ACSS1: variants seen among roughly 807,000 people sequenced by gnomAD.
ACSS1 encodes acyl-CoA synthetase short chain family member 1.
In ACSS1, 42 loss-of-function variants were observed where a neutral mutation model predicts 75.3. That is an observed-to-expected ratio of 0.56 (90% CI 0.44 to 0.72). The LOEUF is 0.72. Ranked by LOEUF, ACSS1 falls within the 30% of genes least tolerant of loss-of-function variation. The pLI is 0.00. For synonymous variants in ACSS1, 380 were observed against 376.8 expected (o/e 1.01, Z -0.10); for missense variants, 782 against 935.7 (o/e 0.84, Z 2.14).
chr20:25,030,824 C>T lies in ACSS1; in HGVS notation c.566G>A (p.Gly189Glu), dbSNP rs1346050123. The T allele has an allele frequency of 1.9e-6, 3 of 1,614,128 alleles. No homozygotes were observed. The highest frequency in any genetic ancestry group is 2.5e-6 in the Non-Finnish European group (3 of 1,180,052). ...VAAMLACARIGAVHTVIFAGF... is the reference protein window; with the variant it reads ...VAAMLACARIEAVHTVIFAGF... ...AGCAAAGATGACTGTGTGGACAGCT[C>T]CGATCCTGGCACAGGCCAGCATTGC... is the stretch of plus-strand genomic sequence containing the variant. Residue 189 changes from glycine to glutamate, a missense_variant, in exon 3 of 14, where the codon GGA becomes GAA. Around this residue, in one of 2 missense-constraint regions of ACSS1, gnomAD observed 377 missense variants for 383.1 expected, o/e 0.98. Coordinates refer to ENST00000323482, the MANE Select transcript of ACSS1 (RefSeq NM_032501.4).
intron 1 of ACSS1, among the ~76,000 whole-genome samples, chr20:25,054,591 C>T (rs1317622347): frequency 1.3e-5 from 2 of 152,332 alleles, no homozygotes; most frequent in East Asian, 3.9e-4. Context: ...ATTGCCTGGG[C>T]CCAGCCACCA....
Position 25,006,776 on chromosome 20 carries a change from C to A in ACSS1, c.*986G>T, listed in dbSNP as rs1057291043. The A allele has an allele frequency of 7.0e-5, 104 of 1,487,144 alleles. No individual in the cohort carries two copies. In the African/African-American group the frequency reaches 1.4e-3, roughly 20 times the overall value. The allele number at this position is 1,487,144 out of a possible 1,614,324, so 92.1% of individuals were successfully genotyped here. A position where few individuals can be genotyped will look rare whatever the true frequency, so the allele number is the denominator to read the frequency against. ...AGACTGGATCCAGACCTCCAAGTCT[C>A]ATCATTGGACCTCAGTGGTTCTCAC... On this transcript the variant is annotated 3_prime_UTR_variant, in exon 14 of 14. Transcript: ENST00000323482.
chr20:25,057,418 T>A (rs1452672482), intron 1 of ACSS1, among the ~76,000 whole-genome samples: 1 of 152,106 alleles, frequency 6.6e-6, no homozygotes, highest in Non-Finnish European at 1.5e-5. Flanking sequence ...AGCCCGCGGC[T>A]CCCCGCCGGC....
intron 2 of ACSS1, among the ~76,000 whole-genome samples, chr20:25,039,773 T>A (rs569214907): frequency 6.6e-6 from 1 of 152,370 alleles, no homozygotes; most frequent in Non-Finnish European, 1.5e-5. Context: ...AGAAGCTCTG[T>A]CCTCATTCCT....
intron 1 of ACSS1, among the ~76,000 whole-genome samples, chr20:25,053,142 C>T (rs140959464): frequency 9.6e-4 from 143 of 149,618 alleles, no homozygotes; most frequent in African/African-American, 3.3e-3. Context: ...CAGCTCACTG[C>T]AACCTCCACC....
chr20:25,057,761 C>T lies in ACSS1; in HGVS notation c.334+8G>A. On this transcript the variant is annotated splice_region_variant and intron_variant, in intron 1 of 13. Transcript: ENST00000323482. ...GGGGGCGTCCTGGGTCTCCCGAAGC[C>T]CACTCACCAGAGACATTTAACTGGC... The T allele has an allele frequency of 6.4e-7, 1 of 1,552,460 alleles. No homozygotes were observed.
chr20:25,053,740 G>T (rs1314718635), intron 1 of ACSS1, among the ~76,000 whole-genome samples: 1 of 152,122 alleles, frequency 6.6e-6, no homozygotes, highest in African/African-American at 2.4e-5. Flanking sequence ...CTCTGTTCCT[G>T]CAATTAATCT....
intron 2 of ACSS1, among the ~76,000 whole-genome samples, chr20:25,044,515 A>G (rs1205055835): frequency 6.6e-6 from 1 of 152,190 alleles, no homozygotes; most frequent in Non-Finnish European, 1.5e-5. Flanking sequence ...TGGGAGGCTG[A>G]GGCAGGAGAA....
chr20:25,047,055 C>T (rs1376612417), intron 2 of ACSS1, among the ~76,000 whole-genome samples: 2 of 152,200 alleles, frequency 1.3e-5, no homozygotes, highest in Non-Finnish European at 1.5e-5. Context: ...TAGCATCACT[C>T]GTCTGCCTCC....
At chr20:25,033,628 G>A (rs898024696) in intron 2 of ACSS1, among the ~76,000 whole-genome samples, 1 of 152,238 alleles carries the variant, frequency 6.6e-6, no homozygotes, top group African/African-American at 2.4e-5. Flanking sequence ...TAGGCACCTT[G>A]GGAGTGAGTG....
intron 2 of ACSS1, among the ~76,000 whole-genome samples, chr20:25,044,081 C>T (rs1329283663): frequency 5.3e-5 from 8 of 152,168 alleles, no homozygotes; most frequent in Admixed American, 5.2e-4. Flanking sequence ...AAGATCTGGA[C>T]CTGCACAGGG....
rs557574602 is a variant in ACSS1 at position 25,054,745 on chromosome 20, G to A, written c.334+3024C>T. The stretch of plus-strand genomic sequence containing the variant: ...CAGACACTGAGGAGCAGGAGCAAGT[G>A]TTAAATAAAATGTATAGGAGGCCAC... On this transcript the variant is annotated intron_variant, in intron 1 of 13. Coordinates refer to ENST00000323482, the MANE Select transcript of ACSS1 (RefSeq NM_032501.4). Among the ~76,000 whole-genome samples the A allele has an allele frequency of 2.0e-5, 3 of 152,336 alleles. No individual in the cohort carries two copies. The South Asian group carries it at 6.2e-4, about 32-fold the overall frequency.
chr20:25,009,306 G>A lies in ACSS1; in HGVS notation c.1854C>T (p.Thr618=), dbSNP rs376502809. ...VVQELKSMVA[T]KIAKYAVPDE... ...CAGGCACAGCATATTTGGCGATCTT[G>A]GTGGCCACCATGGACTTGAGCTCCT... The change falls in exon 13 of 14, where the codon ACC becomes ACT. Residue 618 remains threonine (T), a synonymous_variant. Transcript: ENST00000323482. 7.7e-5 allele frequency: 125 copies of A among 1,614,070 alleles called. No individual in the cohort carries two copies. The highest frequency in any genetic ancestry group is 3.8e-4 in the Admixed American group (23 of 60,012).
chr20:25,036,957 A>C lies in ACSS1; in HGVS notation c.432-5999T>G, dbSNP rs1217241232. Reference sequence around the variant, plus strand: ...GTGACAGAGCTAGACTCTGTCAAAAAAAAAAAAAGAAGAAGAAGAAAGAAA... The same window carrying C: ...GTGACAGAGCTAGACTCTGTCAAAACAAAAAAAAGAAGAAGAAGAAAGAAA... On this transcript the variant is annotated intron_variant, in intron 2 of 13. Transcript: ENST00000323482. 7.4e-5 allele frequency among the ~76,000 whole-genome samples: 11 copies of C among 148,498 alleles called. No homozygotes were observed. The East Asian group carries it at 2.1e-3, about 29-fold the overall frequency.
At chr20:25,012,111 GA>G (rs1220286160) in intron 12 of ACSS1, 2 of 165,192 alleles carry the variant, frequency 1.2e-5, no homozygotes, top group African/African-American at 4.8e-5. Context: ...TGTGCAGTGG[GA>G]ACCACAGGTC....
chr20:25,030,821 G>T lies in ACSS1; in HGVS notation c.569C>A (p.Ala190Asp), dbSNP rs1161371374. The change falls in exon 3 of 14, where the codon GCT (alanine) becomes GAT (aspartate). Residue 190 changes from alanine (A) to aspartate (D), a missense_variant. Ala to Asp is a moderately radical substitution (Grantham distance 126). Transcript: ENST00000323482. ...AAMLACARIG[A>D]VHTVIFAGFS... ...GCCAGCAAAGATGACTGTGTGGACA[G>T]CTCCGATCCTGGCACAGGCCAGCAT... is the stretch of plus-strand genomic sequence containing the variant. The T allele has an allele frequency of 2.5e-6, 4 of 1,614,256 alleles. No homozygotes were observed. Among genetic ancestry groups the T allele is most frequent in the Non-Finnish European group, 3.4e-6 (4 of 1,180,052 alleles).
At chr20:25,040,691 T>A (rs1014430481) in intron 2 of ACSS1, among the ~76,000 whole-genome samples, 7 of 152,196 alleles carry the variant, frequency 4.6e-5, no homozygotes, top group Non-Finnish European at 1.0e-4. Flanking sequence ...AAGGAAGATA[T>A]GCACACACAA....
rs988204278 is a variant in ACSS1 at position 25,030,452 on chromosome 20, C to T, written c.631+307G>A. Among the ~76,000 whole-genome samples the T allele has an allele frequency of 3.3e-5, 5 of 152,270 alleles. No homozygotes were observed. The East Asian group carries it at 9.7e-4, about 29-fold the overall frequency. On this transcript the variant is annotated intron_variant, in intron 3 of 13. Coordinates refer to ENST00000323482, the MANE Select transcript of ACSS1 (RefSeq NM_032501.4). Reference sequence around the variant, plus strand: ...AGCCTTATCCCACCTCCACACTTCCCTCCTGCCGCACTACACCCACCTGCA... The same window carrying T: ...AGCCTTATCCCACCTCCACACTTCCTTCCTGCCGCACTACACCCACCTGCA...
chr20:25,049,247 C>G (rs2089143716), intron 1 of ACSS1, among the ~76,000 whole-genome samples: 1 of 152,162 alleles, frequency 6.6e-6, no homozygotes, highest in South Asian at 2.1e-4. Context: ...AGAAGGGGAT[C>G]AGTGGCAGAC....
Sources: gnomAD v4.1 joint callset for allele counts (sites outside exome capture counted in the v4.1 genomes callset) on GRCh38, gnomAD v4.1.1 for gene constraint, gnomAD v4.1.1 regional missense constraint, MANE v1.5 for transcripts, NCBI Gene and HGNC (gene_info 2026-07-23, HGNC 2026-07-21) for gene names.